The following PLCH1 variants were observed in gnomAD, a reference collection of about 807,000 sequenced individuals.
PLCH1 encodes the protein phospholipase C eta 1.
A neutral mutation model predicts 126.7 loss-of-function variants in PLCH1; 60 were observed. The observed-to-expected ratio is 0.47, with a 90% CI of 0.38 to 0.59. The LOEUF is 0.59. Among genes scored for constraint, PLCH1 ranks in the 20% least tolerant of loss-of-function variants. The pLI is 0.00. For synonymous variants in PLCH1, 719 were observed against 734.9 expected, an observed-to-expected ratio of 0.98 and a Z score of 0.35; for missense variants, 1,723 against 2,040.0, an observed-to-expected ratio of 0.84 and a Z score of 2.99.
chr3:155,451,471 T>C (rs1479008401), intron 21 of PLCH1, among the ~76,000 whole-genome samples: 1 of 152,236 alleles, frequency 6.6e-6, no homozygotes, highest in East Asian at 1.9e-4. Flanking sequence ...GTTCATTTTA[T>C]GTGTCAACTT....
intron 2 of PLCH1, among the ~76,000 whole-genome samples, chr3:155,638,932 A>G (rs952506853): frequency 1.3e-5 from 2 of 152,178 alleles, no homozygotes; most frequent in African/African-American, 4.8e-5. Flanking sequence ...AAGGATTATA[A>G]CCCTGGACAA....
chr3:155,692,459 A>G lies in PLCH1; in HGVS notation c.79+11687T>C, dbSNP rs181896316. 7.1e-3 allele frequency among the ~76,000 whole-genome samples: 1,075 copies of G among 151,752 alleles called. 5 individuals are homozygous for G. Among genetic ancestry groups the G allele is most frequent in the South Asian group, 0.021 (102 of 4,804 alleles). ...TATACAGATAAAGAATGAATGAATG[A>G]ATGGATGGATGGATGGATGGATGGA... is the stretch of plus-strand genomic sequence containing the variant. On this transcript the variant is annotated intron_variant, in intron 2 of 22. Coordinates refer to ENST00000460012, the MANE Select transcript of PLCH1 (RefSeq NM_014996.4).
intron 1 of PLCH1, among the ~76,000 whole-genome samples, chr3:155,719,110 A>T (rs1196244577): frequency 6.6e-6 from 1 of 152,174 alleles, no homozygotes; most frequent in Non-Finnish European, 1.5e-5. Context: ...TGCACCCATC[A>T]CCTGAGCAGA....
At chr3:155,675,412 C>A (rs369426303) in intron 2 of PLCH1, among the ~76,000 whole-genome samples, 3 of 152,194 alleles carry the variant, frequency 2.0e-5, no homozygotes, top group East Asian at 3.8e-4. Flanking sequence ...ATGTTTTTCT[C>A]ATGCTCCTGG....
At chr3:155,558,495 C>T (rs1303174684) in intron 8 of PLCH1, among the ~76,000 whole-genome samples, 1 of 152,052 alleles carries the variant, frequency 6.6e-6, no homozygotes, top group Non-Finnish European at 1.5e-5. Context: ...TGTTTTTTTC[C>T]TACATATACA....
intron 1 of PLCH1, among the ~76,000 whole-genome samples, chr3:155,735,250 CA>C (rs1170310756): frequency 1.3e-5 from 2 of 151,996 alleles, no homozygotes; most frequent in African/African-American, 4.8e-5. Flanking sequence ...TCAAAGGATA[CA>C]AAATTTTGGT....
chr3:155,487,890 T>C (rs969429650), intron 21 of PLCH1, 138 bp downstream of exon 21: 3 of 608,336 alleles, frequency 4.9e-6, no homozygotes, highest in African/African-American at 3.7e-5. Context: ...AATAGCAGAC[T>C]GGGCTTGCTG....
In PLCH1 at chr3:155,576,621, T is replaced by C. The variant is rs111809303; in HGVS notation, c.771+6851A>G. Among the ~76,000 whole-genome samples, 359 of 152,302 alleles carry C rather than the reference T, an allele frequency of 2.4e-3. 1 individual carries two copies. The highest frequency in any genetic ancestry group is 8.0e-3 in the African/African-American group (334 of 41,568). ...TCACAACTGAGTAAACCTATAAAAG[T>C]TGAATATCCTGGTGTCTGCACCAAT... On this transcript the variant is annotated intron_variant, in intron 6 of 22. Coordinates refer to ENST00000460012, the MANE Select transcript of PLCH1 (RefSeq NM_014996.4).
At chr3:155,488,334 A>T (rs1715606162) in intron 20 of PLCH1, among the ~76,000 whole-genome samples, 1 of 152,006 alleles carries the variant, frequency 6.6e-6, no homozygotes, top group African/African-American at 2.4e-5. Flanking sequence ...AATAGCTGGG[A>T]TTACAGGCAT....
intron 2 of PLCH1, among the ~76,000 whole-genome samples, chr3:155,640,958 G>A (rs1335717638): frequency 6.6e-6 from 1 of 152,120 alleles, no homozygotes; most frequent in Non-Finnish European, 1.5e-5. Context: ...ATTTGTGGTA[G>A]CAGATATTTT....
intron 2 of PLCH1, among the ~76,000 whole-genome samples, chr3:155,692,838 G>A (rs1745501276): frequency 6.6e-6 from 1 of 151,858 alleles, no homozygotes; most frequent in Non-Finnish European, 1.5e-5. Flanking sequence ...CTCACTGCAA[G>A]CTCCGCCTTC....
intron 1 of PLCH1, among the ~76,000 whole-genome samples, chr3:155,717,128 T>C (rs894281298): frequency 6.6e-6 from 1 of 152,382 alleles, no homozygotes; most frequent in South Asian, 2.1e-4. Flanking sequence ...TTTGACTCCA[T>C]GACCCACATT....
At chr3:155,616,550 G>A (rs1219352504) in intron 2 of PLCH1, among the ~76,000 whole-genome samples, 2 of 152,086 alleles carry the variant, frequency 1.3e-5, no homozygotes, top group Non-Finnish European at 2.9e-5. Flanking sequence ...CTTCTTTTAT[G>A]ATTAAACTTG....
intron 6 of PLCH1, among the ~76,000 whole-genome samples, chr3:155,578,665 C>T (rs576169044): frequency 3.9e-5 from 6 of 152,174 alleles, no homozygotes; most frequent in Non-Finnish European, 5.9e-5. Flanking sequence ...TTTATTATAT[C>T]ACACTATGAC....
chr3:155,740,398 C>G (rs1749529572), intron 1 of PLCH1, among the ~76,000 whole-genome samples: 2 of 126,882 alleles, frequency 1.6e-5, no homozygotes, highest in African/African-American at 6.6e-5. Flanking sequence ...TAGAGAGAGA[C>G]TCTGTCTCAA....
chr3:155,679,725 T>C (rs918592913), intron 2 of PLCH1, among the ~76,000 whole-genome samples: 11 of 152,212 alleles, frequency 7.2e-5, no homozygotes, highest in African/African-American at 2.2e-4. Flanking sequence ...AACATTATTA[T>C]AAAAGCTACC....
chr3:155,513,930 T>A (rs1719955025), intron 12 of PLCH1, among the ~76,000 whole-genome samples: 1 of 152,184 alleles, frequency 6.6e-6, no homozygotes, highest in South Asian at 2.1e-4. Context: ...CGTTTGTTAG[T>A]TGGGGCAAAT....
chr3:155,697,605 T>G (rs1362293029), intron 2 of PLCH1, among the ~76,000 whole-genome samples: 2 of 152,148 alleles, frequency 1.3e-5, no homozygotes, highest in Admixed American at 6.5e-5. Flanking sequence ...AGGGGCAACT[T>G]CACACCCCAT....
chr3:155,546,171 A>G (rs906046882), intron 10 of PLCH1, among the ~76,000 whole-genome samples: 44 of 152,202 alleles, frequency 2.9e-4, no homozygotes, highest in African/African-American at 9.9e-4. Flanking sequence ...CCTTAAGCTG[A>G]TAAGCAACTT....
Sources: allele counts gnomAD v4.1 joint callset (sites outside exome capture counted in the v4.1 genomes callset), GRCh38; gene constraint gnomAD v4.1.1; transcripts MANE v1.5; gene names NCBI Gene and HGNC (gene_info 2026-07-23, HGNC 2026-07-21).